Variants in DARS2 observed in about 807,000 individuals in gnomAD.
DARS2 encodes aspartate--tRNA ligase, mitochondrial.
DARS2 carries 63 observed loss-of-function variants against 83.0 expected under a neutral mutation model. The ratio of observed to expected loss-of-function variants is 0.76; its 90% CI spans 0.62 to 0.94. DARS2 has a LOEUF of 0.94. Among genes scored for constraint, DARS2 ranks in the 40% least tolerant of loss-of-function variants. The pLI, the probability that DARS2 is intolerant of heterozygous loss-of-function variation, is 0.00. For missense variants in DARS2, 675 were observed against 774.4 expected, an observed-to-expected ratio of 0.87 and a Z score of 1.52; for synonymous variants, 250 against 269.3, an observed-to-expected ratio of 0.93 and a Z score of 0.70.
At chr1:173,836,362 A>C (rs561544543) in intron 7 of DARS2, among the ~76,000 whole-genome samples, 157 of 152,136 alleles carry the variant, frequency 1.0e-3, no homozygotes, top group Non-Finnish European at 1.8e-3. Flanking sequence ...CAACATGGCG[A>C]AACCCCGTCT....
At position 173,832,800 on chromosome 1, in the gene DARS2, A is replaced by G. The variant is rs555429012; in HGVS notation, c.493-576A>G. Among the ~76,000 whole-genome samples, 5 of 151,832 alleles carry G rather than the reference A, an allele frequency of 3.3e-5. No individual in the cohort carries two copies. In the East Asian group the frequency reaches 9.6e-4, roughly 29 times the overall value. On this transcript the variant is annotated intron_variant, in intron 5 of 16. Transcript: ENST00000649689. ...AAAAAAAAAAAAGAGAGAGAAAATA[A>G]GCAAACTATTTCTACTAGTACAGCC...
chr1:173,825,467 T>A, intron 1 of DARS2, 111 bp downstream of exon 1: 2 of 673,982 alleles, frequency 3.0e-6, no homozygotes, highest in Non-Finnish European at 4.1e-6. Context: ...TTATTATTAT[T>A]ATTATTATTA....
At chr1:173,850,500 G>C (rs1175902645) in intron 13 of DARS2, 21 bp downstream of exon 13, 7 of 1,610,992 alleles carry the variant, frequency 4.3e-6, no homozygotes, top group Non-Finnish European at 5.9e-6. Context: ...TTACTTCCAA[G>C]CATCAGTGCT....
chr1:173,831,459 C>A, intron 4 of DARS2, 76 bp from the exon 5 acceptor site: 1 of 1,048,520 alleles, frequency 9.5e-7, no homozygotes, highest in Non-Finnish European at 1.5e-6. Flanking sequence ...TAAATAAATG[C>A]ATAGATTCTA....
At chr1:173,836,060 A>G (rs931348112) in intron 7 of DARS2, among the ~76,000 whole-genome samples, 19 of 151,836 alleles carry the variant, frequency 1.3e-4, no homozygotes, top group Admixed American at 1.1e-3. Flanking sequence ...CCGTCTCAAA[A>G]AAAAAAAATA....
At position 173,854,933 on chromosome 1, in the gene DARS2, G is replaced by A. The variant is rs539718302; in HGVS notation, c.1674+1028G>A. 2.6e-5 allele frequency among the ~76,000 whole-genome samples: 4 copies of A among 152,242 alleles called. No individual in the cohort carries two copies. The South Asian group carries it at 8.3e-4, about 32-fold the overall frequency. On this transcript the variant is annotated intron_variant, in intron 15 of 16. Coordinates refer to ENST00000649689, the MANE Select transcript of DARS2 (RefSeq NM_018122.5). ...GTTGGTGATGCTGTAGAAGGCTTGG[G>A]TAGGTTTCAGAAAGGAAAAGGTCTG...
At chr1:173,827,748 G>A (rs1468281362) in intron 2 of DARS2, among the ~76,000 whole-genome samples, 1 of 152,202 alleles carries the variant, frequency 6.6e-6, no homozygotes, top group Non-Finnish European at 1.5e-5. Context: ...GCTGAGGATA[G>A]TATGAGAAAT....
chr1:173,840,680 T>C (rs1336365070), intron 10 of DARS2, among the ~76,000 whole-genome samples, 186 bp from the exon 11 acceptor site: 1 of 152,242 alleles, frequency 6.6e-6, no homozygotes, highest in African/African-American at 2.4e-5. Flanking sequence ...TAACCTCATA[T>C]GAAATGAATG....
rs1486843201 is a variant in DARS2, at chr1:173,839,692, GA to G, written c.1020+147del. On this transcript the variant is annotated intron_variant, in intron 10 of 16. Coordinates refer to ENST00000649689, the MANE Select transcript of DARS2 (RefSeq NM_018122.5). ...CTTCGTTGTTACAGAGCTAGAGCAAGAGAGAATAATAGCATGTTAGCAATAC... is the reference window on the plus strand; with the variant it reads ...CTTCGTTGTTACAGAGCTAGAGCAAGGAGAATAATAGCATGTTAGCAATAC... 4.1e-6 allele frequency: 3 copies of G among 726,676 alleles called. No individual in the cohort carries two copies. In the African/African-American group the frequency reaches 5.2e-5, roughly 13 times the overall value. 45.0% of individuals were successfully genotyped at this position (726,676 alleles called of 1,614,324 possible).
chr1:173,837,175 AT>A, intron 8 of DARS2, 129 bp downstream of exon 8: 1 of 836,840 alleles, frequency 1.2e-6, no homozygotes, highest in Non-Finnish European at 2.0e-6. Flanking sequence ...GAGAATACTT[AT>A]AAAATGCCCT....
intron 1 of DARS2, among the ~76,000 whole-genome samples, chr1:173,825,838 G>C (rs1410064018): frequency 1.3e-5 from 2 of 151,048 alleles, no homozygotes; most frequent in Non-Finnish European, 2.9e-5. Context: ...TTCATTATAC[G>C]GCAGTTTTTT....
At chr1:173,826,821 G>A (rs760994467) in intron 2 of DARS2, 35 bp downstream of exon 2, 1 of 1,492,664 alleles carries the variant, frequency 6.7e-7, no homozygotes, top group South Asian at 1.1e-5. Flanking sequence ...AATGCATGGT[G>A]GTGGTTTTCC....
intron 12 of DARS2, among the ~76,000 whole-genome samples, chr1:173,847,845 T>A (rs1363532363): frequency 4.5e-5 from 2 of 44,726 alleles, no homozygotes; most frequent in African/African-American, 2.2e-4. Flanking sequence ...TTTCTGAACC[T>A]TTTTTTTTTT....
chr1:173,829,819 G>T (rs1050292225), intron 3 of DARS2, among the ~76,000 whole-genome samples: 21 of 152,280 alleles, frequency 1.4e-4, no homozygotes, highest in African/African-American at 4.6e-4. Flanking sequence ...TGAGGCAAAA[G>T]AATCACTTGA....
At chr1:173,847,891 C>T (rs1224136395) in intron 12 of DARS2, among the ~76,000 whole-genome samples, 1 of 129,608 alleles carries the variant, frequency 7.7e-6, no homozygotes, top group African/African-American at 2.9e-5. Context: ...CTCACTCTGT[C>T]GCCCAGGCTG....
At chr1:173,841,705 C>G (rs1379947737) in intron 11 of DARS2, among the ~76,000 whole-genome samples, 1 of 152,048 alleles carries the variant, frequency 6.6e-6, no homozygotes, top group Non-Finnish European at 1.5e-5. Flanking sequence ...AGGTTGAGGT[C>G]CAAGGATCAC....
chr1:173,837,778 C>CT (rs879536808), intron 8 of DARS2, among the ~76,000 whole-genome samples: 66 of 146,674 alleles, frequency 4.5e-4, no homozygotes, highest in African/African-American at 4.2e-4. Flanking sequence ...GTATTTCTTA[C>CT]TTTTTTTTTT....
At chr1:173,838,105 A>G in intron 8 of DARS2, 85 bp from the exon 9 acceptor site, 1 of 1,068,736 alleles carries the variant, frequency 9.4e-7, no homozygotes, top group Admixed American at 1.8e-5. Flanking sequence ...ATTGTTTTAT[A>G]GCTTGCATTG....
Position 173,856,075 on chromosome 1 carries a change from AGACCAACT to A in DARS2, c.1675-588_1675-581del, listed in dbSNP as rs1212684024. Among the ~76,000 whole-genome samples the A allele has an allele frequency of 6.6e-5, 10 of 152,288 alleles. No homozygotes were observed. In the East Asian group the frequency reaches 1.9e-3, roughly 29 times the overall value. ...AACACTGGTGCCTTGGCTACACATC[AGACCAACT>A]GAATAAAAGAGTTCTAAGCATAAGG... On this transcript the variant is annotated intron_variant, in intron 15 of 16. Coordinates refer to ENST00000649689, the MANE Select transcript of DARS2 (RefSeq NM_018122.5).
Sources: gnomAD v4.1 joint callset for allele counts (sites outside exome capture counted in the v4.1 genomes callset) on GRCh38, gnomAD v4.1.1 for gene constraint, MANE v1.5 for transcripts, NCBI Gene and HGNC (gene_info 2026-07-23, HGNC 2026-07-21) for gene names.